The following LRMDA variants were observed in gnomAD, a reference collection of about 807,000 sequenced individuals.
LRMDA encodes leucine-rich melanocyte differentiation-associated protein.
A neutral mutation model predicts 29.8 loss-of-function variants in LRMDA; 18 were observed. That is an observed-to-expected ratio of 0.60 (90% CI 0.42 to 0.90). The LOEUF (loss-of-function observed/expected upper bound fraction) is 0.90, where lower values mean the gene tolerates loss of function less well. Among genes scored for constraint, LRMDA ranks in the 40% least tolerant of loss-of-function variants. The pLI is 0.00. For missense variants in LRMDA, 273 were observed against 273.9 expected (o/e 1.00, Z 0.02); for synonymous variants, 125 against 109.4 (o/e 1.14, Z -0.89).
At chr10:76,068,175 C>T (rs932203491) in intron 5 of LRMDA, among the ~76,000 whole-genome samples, 2 of 152,168 alleles carry the variant, frequency 1.3e-5, no homozygotes, top group Admixed American at 6.5e-5. Flanking sequence ...ATTTCCAAAC[C>T]ACCTGCTACT....
intron 2 of LRMDA, among the ~76,000 whole-genome samples, chr10:75,770,898 T>A (rs1168797496): frequency 1.3e-5 from 2 of 152,054 alleles, no homozygotes; most frequent in African/African-American, 4.8e-5. Context: ...CAGAGGGAGA[T>A]AGCTGTGAGT....
intron 6 of LRMDA, among the ~76,000 whole-genome samples, chr10:76,348,462 T>C (rs1841136048): frequency 6.6e-6 from 1 of 152,252 alleles, no homozygotes; most frequent in South Asian, 2.1e-4. Flanking sequence ...TCAAGGGAAC[T>C]GGGTAACACC....
At chr10:76,174,388 G>T (rs1258350398) in intron 5 of LRMDA, among the ~76,000 whole-genome samples, 1 of 152,058 alleles carries the variant, frequency 6.6e-6, no homozygotes, top group African/African-American at 2.4e-5. Flanking sequence ...AAGTTTTAAA[G>T]ATTTTTTTGT....
At chr10:76,058,627 C>A in intron 4 of LRMDA, 39 bp from the exon 5 acceptor site, 2 of 1,544,062 alleles carry the variant, frequency 1.3e-6, no homozygotes, top group Non-Finnish European at 1.8e-6. Context: ...GAGGCTGCCA[C>A]TCAAACTTCC....
At chr10:75,965,920 A>G (rs1297719662) in intron 2 of LRMDA, among the ~76,000 whole-genome samples, 1 of 152,224 alleles carries the variant, frequency 6.6e-6, no homozygotes, top group African/African-American at 2.4e-5. Flanking sequence ...AGCTCAGTGA[A>G]GCCCAAACAT....
At chr10:75,530,289 A>AT (rs1845461723) in intron 2 of LRMDA, among the ~76,000 whole-genome samples, 1 of 152,104 alleles carries the variant, frequency 6.6e-6, no homozygotes, top group Admixed American at 6.6e-5. Flanking sequence ...AATAACATTG[A>AT]TTGATGAGAA....
chr10:75,616,231 T>TAGCAGCAGCAGCAGCAGCAGC (rs1332339686), intron 2 of LRMDA, among the ~76,000 whole-genome samples: 4 of 146,742 alleles, frequency 2.7e-5, no homozygotes, highest in African/African-American at 1.1e-4. Context: ...AGAACAGTAA[T>TAGCAGCAGCAGCAGCAGCAGC]AGTAGCAGTA....
chr10:75,678,952 T>C (rs192922740), intron 2 of LRMDA, among the ~76,000 whole-genome samples: 82 of 152,266 alleles, frequency 5.4e-4, no homozygotes, highest in Admixed American at 1.2e-3. Flanking sequence ...CATAGCATGG[T>C]AGGTTTCAGC....
chr10:75,514,318 T>G (rs111654453), intron 2 of LRMDA, among the ~76,000 whole-genome samples: 2 of 151,524 alleles, frequency 1.3e-5, no homozygotes, highest in Non-Finnish European at 2.9e-5. Flanking sequence ...TCTTCTTCTT[T>G]TTTTTTTTTA....
chr10:75,956,965 C>T (rs1846674282), intron 2 of LRMDA, among the ~76,000 whole-genome samples: 1 of 152,236 alleles, frequency 6.6e-6, no homozygotes, highest in Non-Finnish European at 1.5e-5. Context: ...ACTGCTACCA[C>T]TGAAATCTTT....
Position 75,458,385 on chromosome 10 carries a change from T to C in LRMDA, c.131+19891T>C, listed in dbSNP as rs551436917. On this transcript the variant is annotated intron_variant, in intron 2 of 6. Transcript: ENST00000611255. ...ACTGTAGATTGCAAAGTTATGGACT[T>C]GGGTCTGAATGGCCAGGTTTCCCTT... Among the ~76,000 whole-genome samples the C allele has an allele frequency of 2.3e-3, 347 of 152,282 alleles. 2 individuals carry two copies. Among genetic ancestry groups the C allele is most frequent in the African/African-American group, 7.6e-3 (316 of 41,538 alleles).
chr10:76,243,823 A>G (rs561458638), intron 5 of LRMDA, among the ~76,000 whole-genome samples: 2 of 152,244 alleles, frequency 1.3e-5, no homozygotes, highest in Admixed American at 1.3e-4. Context: ...CCCCCAAAAT[A>G]TATCGCTCCA....
chr10:75,697,339 T>C (rs1842248113), intron 2 of LRMDA, among the ~76,000 whole-genome samples: 2 of 149,192 alleles, frequency 1.3e-5, no homozygotes, highest in Non-Finnish European at 3.0e-5. Flanking sequence ...TTTTTTAAAG[T>C]AGTTCAAGTT....
intron 2 of LRMDA, among the ~76,000 whole-genome samples, chr10:75,700,468 C>T (rs937444232): frequency 6.8e-6 from 1 of 146,906 alleles, no homozygotes; most frequent in African/African-American, 2.5e-5. Context: ...TGGAGTCTCG[C>T]TCTGTCGCCT....
chr10:75,744,399 T>C (rs1589183255), intron 2 of LRMDA, among the ~76,000 whole-genome samples: 1 of 152,240 alleles, frequency 6.6e-6, no homozygotes, highest in South Asian at 2.1e-4. Flanking sequence ...CATAAAAGAA[T>C]AGACTCTTGT....
intron 6 of LRMDA, among the ~76,000 whole-genome samples, chr10:76,364,457 G>A (rs1446237125): frequency 6.6e-6 from 1 of 152,016 alleles, no homozygotes; most frequent in Admixed American, 6.6e-5. Flanking sequence ...CTACTTGTTT[G>A]ATAAGGCTGG....
chr10:75,607,824 GTTTTTTTTTTTTTTTT>G (rs5786180), intron 2 of LRMDA, among the ~76,000 whole-genome samples: 1 of 72,302 alleles, frequency 1.4e-5, no homozygotes, highest in Non-Finnish European at 2.7e-5. Flanking sequence ...TGATTCAGTG[GTTTTTTTTTTTTTTTT>G]TTTTTTTTTG....
chr10:75,673,458 C>T (rs1245576996), intron 2 of LRMDA, among the ~76,000 whole-genome samples: 1 of 152,138 alleles, frequency 6.6e-6, no homozygotes, highest in Non-Finnish European at 1.5e-5. Flanking sequence ...TCCATAAACA[C>T]AAAGTATGGA....
intron 6 of LRMDA, among the ~76,000 whole-genome samples, chr10:76,449,165 A>ATG (rs1842381727): frequency 6.6e-6 from 1 of 151,814 alleles, no homozygotes; most frequent in Non-Finnish European, 1.5e-5. Context: ...AAGGAAATAT[A>ATG]TGTATATATA....
Sources: allele counts gnomAD v4.1 joint callset (sites outside exome capture counted in the v4.1 genomes callset), GRCh38; gene constraint gnomAD v4.1.1; transcripts MANE v1.5; gene names NCBI Gene and HGNC (gene_info 2026-07-23, HGNC 2026-07-21).